The following OPRM1 variants were observed in gnomAD, a reference collection of about 807,000 sequenced individuals.
OPRM1 encodes opioid receptor mu 1.
Under a neutral mutation model 31.8 loss-of-function variants are expected in OPRM1, and 27 were observed. The observed-to-expected ratio is 0.85, with a 90% CI of 0.63 to 1.17. The LOEUF (loss-of-function observed/expected upper bound fraction) is 1.17. Among genes scored for constraint, OPRM1 ranks in the 50% most tolerant of loss-of-function variants. OPRM1 has a pLI of 0.00. For missense variants in OPRM1, 536 were observed against 511.1 expected, an observed-to-expected ratio of 1.05 and a Z score of -0.47; for synonymous variants, 196 against 189.9, an observed-to-expected ratio of 1.03 and a Z score of -0.26.
intron 3 of OPRM1, among the ~76,000 whole-genome samples, chr6:154,153,449 C>T (rs1246375482): frequency 6.6e-6 from 1 of 152,066 alleles, no homozygotes; most frequent in Middle Eastern, 3.2e-3. Context: ...TTTGGGAGGC[C>T]GAGGCGGGCA....
intron 3 of OPRM1, among the ~76,000 whole-genome samples, chr6:154,110,908 A>AAAAAAAAG (rs1554278290): frequency 9.0e-6 from 1 of 110,612 alleles, no homozygotes; most frequent in South Asian, 2.7e-4. Flanking sequence ...AAAAAAAAAA[A>AAAAAAAAG]AGAGAGAATT....
chr6:154,199,293 A>C (rs1474605109), intron 3 of OPRM1, among the ~76,000 whole-genome samples: 1 of 152,236 alleles, frequency 6.6e-6, no homozygotes, highest in Non-Finnish European at 1.5e-5. Context: ...TTGAACTATC[A>C]AGGTGATGTT....
intron 3 of OPRM1, among the ~76,000 whole-genome samples, chr6:154,153,717 G>A (rs931518940): frequency 1.3e-5 from 2 of 151,170 alleles, no homozygotes; most frequent in Non-Finnish European, 2.9e-5. Context: ...AGGAGGAGGC[G>A]AGGAGAGAAG....
At chr6:154,096,314 C>T (rs1187294823) in intron 3 of OPRM1, among the ~76,000 whole-genome samples, 4 of 152,176 alleles carry the variant, frequency 2.6e-5, no homozygotes, top group African/African-American at 9.7e-5. Context: ...CCCACCTCAG[C>T]CTCCCAAAGT....
rs192964557 is a variant in OPRM1 at position 154,039,690 on chromosome 6, G to A, written c.146G>A (p.Arg49His). 1.2e-6 allele frequency: 2 copies of A among 1,613,900 alleles called. No homozygotes were observed. Among genetic ancestry groups the A allele is most frequent in the East Asian group, 2.2e-5 (1 of 44,880 alleles). The change falls in exon 1 of 4, where the codon CGC becomes CAC. Residue 49 changes from arginine (R) to histidine (H), a missense_variant. Arg to His is a conservative substitution (Grantham distance 29, BLOSUM62 0). Coordinates refer to ENST00000330432, the MANE Select transcript of OPRM1 (RefSeq NM_000914.5). ...GNLSDPCGPN[R>H]TDLGGRDSLC... The stretch of plus-strand genomic sequence containing the variant: ...CTGTCCGACCCATGCGGTCCGAACC[G>A]CACCGACCTGGGCGGGAGAGACAGC...
chr6:154,045,164 G>A (rs1475463476), intron 1 of OPRM1, among the ~76,000 whole-genome samples: 2 of 152,106 alleles, frequency 1.3e-5, no homozygotes, highest in African/African-American at 2.4e-5. Context: ...GGCAAAGGCT[G>A]CAGCGAGCCG....
In OPRM1 at chr6:154,211,137, C is replaced by T. The variant is rs150314648; in HGVS notation, c.1165-35556C>T. Among the ~76,000 whole-genome samples, 1,042 of 152,272 alleles carry T rather than the reference C, an allele frequency of 6.8e-3. 11 individuals carry two copies. The highest frequency in any genetic ancestry group is 0.024 in the Middle Eastern group (7 of 294). ...GTTCAGTAGAAACAGCATGTCCTGG[C>T]TGGGTGCGGTGGCTCACGCTTGTAA... On this transcript the variant is annotated intron_variant, in intron 3 of 3. Transcript: ENST00000337049.
At chr6:154,091,567 T>A in intron 3 of OPRM1, 95 bp downstream of exon 3, 1 of 1,471,582 alleles carries the variant, frequency 6.8e-7, no homozygotes, top group South Asian at 1.4e-5. Flanking sequence ...TTATAGAGGA[T>A]GAGAATGGAG....
chr6:154,246,460 T>G (rs1306378121), intron 3 of OPRM1: 17 of 1,098,004 alleles, frequency 1.5e-5, no homozygotes, highest in Admixed American at 2.4e-5. Flanking sequence ...ATGGCTTCTA[T>G]AACTTATTTG....
chr6:154,063,806 T>C (rs1245213789), intron 1 of OPRM1, among the ~76,000 whole-genome samples: 1 of 152,072 alleles, frequency 6.6e-6, no homozygotes, highest in African/African-American at 2.4e-5. Context: ...TCAAAGTTGA[T>C]CCATGTTGTA....
chr6:154,154,110 AGAGTCAG>A (rs1798619116), intron 3 of OPRM1, among the ~76,000 whole-genome samples: 1 of 152,220 alleles, frequency 6.6e-6, no homozygotes, highest in Non-Finnish European at 1.5e-5. Context: ...GACTTGGGAG[AGAGTCAG>A]GAACAAAATG....
chr6:154,054,541 C>CT (rs901824732), intron 1 of OPRM1, among the ~76,000 whole-genome samples: 13 of 152,234 alleles, frequency 8.5e-5, no homozygotes, highest in Admixed American at 7.2e-4. Context: ...GATGAGAAAA[C>CT]TGAGTCCTGT....
chr6:154,016,308 T>C (rs1469738907), intron 1 of OPRM1, among the ~76,000 whole-genome samples: 2 of 152,198 alleles, frequency 1.3e-5, no homozygotes, highest in African/African-American at 4.8e-5. Flanking sequence ...TATCATTATG[T>C]ACTATCACAG....
chr6:154,110,344 T>C, intron 3 of OPRM1: 1 of 1,355,786 alleles, frequency 7.4e-7, no homozygotes, highest in East Asian at 2.5e-5. Context: ...TTGAATGAAA[T>C]ATCTTTGCAG....
At chr6:154,045,209 A>G (rs1780880866) in intron 1 of OPRM1, among the ~76,000 whole-genome samples, 1 of 152,130 alleles carries the variant, frequency 6.6e-6, no homozygotes, top group South Asian at 2.1e-4. Context: ...TGTGCAACAC[A>G]GTGGGACTCC....
intron 3 of OPRM1, among the ~76,000 whole-genome samples, chr6:154,226,628 A>C (rs1471316455): frequency 6.6e-6 from 1 of 152,068 alleles, no homozygotes; most frequent in African/African-American, 2.4e-5. Context: ...AAGTCTCCTC[A>C]ACTGTTCTCC....
intron 3 of OPRM1, among the ~76,000 whole-genome samples, chr6:154,160,516 T>A (rs1372455110): frequency 6.6e-6 from 1 of 152,244 alleles, no homozygotes; most frequent in Non-Finnish European, 1.5e-5. Flanking sequence ...ATAAATCACA[T>A]TTATTTAATA....
intron 3 of OPRM1, among the ~76,000 whole-genome samples, chr6:154,196,039 C>T (rs1776597943): frequency 6.6e-6 from 1 of 152,084 alleles, no homozygotes; most frequent in African/African-American, 2.4e-5. Flanking sequence ...ATCCGCCTAC[C>T]TCGGCCTCAC....
At chr6:154,108,720 T>G (rs763951355) in intron 3 of OPRM1, 170 of 938,306 alleles carry the variant, frequency 1.8e-4, no homozygotes, top group Non-Finnish European at 2.1e-4. Context: ...CCCTAAATCT[T>G]AGAAGAGACT....
Sources: allele counts gnomAD v4.1 joint callset (sites outside exome capture counted in the v4.1 genomes callset), GRCh38; gene constraint gnomAD v4.1.1; transcripts MANE v1.5; gene names NCBI Gene and HGNC (gene_info 2026-07-23, HGNC 2026-07-21).